ETS1: variants seen among roughly 807,000 people sequenced by gnomAD.
The protein encoded by ETS1 is ETS proto-oncogene 1, transcription factor.
Under a neutral mutation model 58.6 loss-of-function variants are expected in ETS1, and 15 were observed. The ratio of observed to expected loss-of-function variants is 0.26; its 90% CI spans 0.17 to 0.39. The LOEUF is 0.39. ETS1 is among the 10% of genes least tolerant of loss of function. The pLI, the probability that ETS1 is intolerant of heterozygous loss-of-function variation, is 1.00. For synonymous variants in ETS1, 214 were observed against 218.2 expected (o/e 0.98, Z 0.17); for missense variants, 417 against 610.5 (o/e 0.68, Z 3.34).
At chr11:128,584,966 GAAAGAAAGAAA>G (rs1388478784) in intron 1 of ETS1, among the ~76,000 whole-genome samples, 5 of 23,848 alleles carry the variant, frequency 2.1e-4, no homozygotes, top group African/African-American at 1.1e-3. Context: ...AAGAAAGAAA[GAAAGAAAGAAA>G]GAAAGAAAGA....
chr11:128,559,309 G>A (rs1197268897), intron 2 of ETS1, among the ~76,000 whole-genome samples: 1 of 152,234 alleles, frequency 6.6e-6, no homozygotes, highest in Non-Finnish European at 1.5e-5. Flanking sequence ...TAGATAATCG[G>A]TAAGTAGGTA....
At chr11:128,500,387 C>CTTAT (rs1863056698) in intron 3 of ETS1, among the ~76,000 whole-genome samples, 1 of 152,114 alleles carries the variant, frequency 6.6e-6, no homozygotes, top group African/African-American at 2.4e-5. Context: ...TCTCAACTTT[C>CTTAT]TTATTTATTT....
At chr11:128,477,399 G>T (rs1474897766) in intron 8 of ETS1, among the ~76,000 whole-genome samples, 3 of 152,174 alleles carry the variant, frequency 2.0e-5, no homozygotes, top group Non-Finnish European at 2.9e-5. Flanking sequence ...GCAAATTTCA[G>T]CTCATCTTAA....
At chr11:128,489,912 ATT>A (rs1168576476) in intron 4 of ETS1, among the ~76,000 whole-genome samples, 1 of 152,176 alleles carries the variant, frequency 6.6e-6, no homozygotes, top group Non-Finnish European at 1.5e-5. Context: ...TGAGACTATT[ATT>A]CTCGATTATT....
chr11:128,485,084 G>C lies in ETS1; in HGVS notation c.614-13C>G. 1 of 1,604,782 alleles carries C rather than the reference G, an allele frequency of 6.2e-7. No individual in the cohort carries two copies. The highest frequency in any genetic ancestry group is 8.5e-7 in the Non-Finnish European group (1 of 1,173,246). ...TCAATACCATAGCCTGGAAACAAAGGGTTTGCAAGTAAAGAGAGGAGAGAT... is the reference window on the plus strand; with the variant it reads ...TCAATACCATAGCCTGGAAACAAAGCGTTTGCAAGTAAAGAGAGGAGAGAT... On this transcript the variant is annotated splice_polypyrimidine_tract_variant and intron_variant, in intron 6 of 9. Transcript: ENST00000392668.
In ETS1 at chr11:128,561,738, C is replaced by T. The variant is rs144884764; in HGVS notation, c.70-5303G>A. ...CAGTGAAAATGGTGAATCTACGGGA[C>T]GGACATAAATAAGGAGAGTGGAAGA... is the stretch of plus-strand genomic sequence containing the variant. On this transcript the variant is annotated intron_variant, in intron 2 of 9. Coordinates refer to ENST00000392668, the MANE Select transcript of ETS1 (RefSeq NM_001143820.2). 4.4e-3 allele frequency among the ~76,000 whole-genome samples: 674 copies of T among 152,224 alleles called. 5 individuals carry two copies. The highest frequency in any genetic ancestry group is 0.012 in the African/African-American group (485 of 41,538).
rs533361284 is a variant in ETS1, at chr11:128,493,328, C to T, written c.215-2752G>A. 3.3e-5 allele frequency among the ~76,000 whole-genome samples: 5 copies of T among 152,364 alleles called. No individual in the cohort carries two copies. The South Asian group carries it at 1.0e-3, about 32-fold the overall frequency. The stretch of plus-strand genomic sequence containing the variant: ...GTGTGGTCTGGACAGGACTGCTGAG[C>T]TGACAATTCTCCACGTAGGTTTCTG... On this transcript the variant is annotated intron_variant, in intron 3 of 9. Coordinates refer to ENST00000392668, the MANE Select transcript of ETS1 (RefSeq NM_001143820.2).
chr11:128,529,977 G>C (rs1226824897), intron 3 of ETS1, among the ~76,000 whole-genome samples: 1 of 152,178 alleles, frequency 6.6e-6, no homozygotes, highest in Non-Finnish European at 1.5e-5. Context: ...CACAGAATCT[G>C]AGTTTCATAA....
At chr11:128,547,942 T>C (rs967938623) in intron 3 of ETS1, among the ~76,000 whole-genome samples, 1 of 152,062 alleles carries the variant, frequency 6.6e-6, no homozygotes, top group African/African-American at 2.4e-5. Context: ...GTGATTTTTC[T>C]CAGAGTGCAA....
At chr11:128,544,491 CT>C (rs950504118) in intron 3 of ETS1, among the ~76,000 whole-genome samples, 6 of 151,816 alleles carry the variant, frequency 4.0e-5, no homozygotes, top group Non-Finnish European at 7.4e-5. Flanking sequence ...CCCCTCACCC[CT>C]GCCTTCTCCC....
chr11:128,528,630 T>G (rs1863844241), intron 3 of ETS1, among the ~76,000 whole-genome samples: 2 of 152,172 alleles, frequency 1.3e-5, no homozygotes, highest in Admixed American at 6.5e-5. Flanking sequence ...TAAATTATGT[T>G]CATTATTTAA....
chr11:128,473,341 G>A (rs1194369951), intron 8 of ETS1, among the ~76,000 whole-genome samples: 2 of 152,192 alleles, frequency 1.3e-5, no homozygotes, highest in African/African-American at 4.8e-5. Flanking sequence ...TGGAATGTAG[G>A]TGACAGCTAG....
chr11:128,525,203 AG>A (rs150061117), intron 3 of ETS1, among the ~76,000 whole-genome samples: 7,440 of 152,222 alleles, frequency 0.049, 217 homozygotes, highest in Non-Finnish European at 0.065. Flanking sequence ...GAAGTCAATA[AG>A]GGCCAAGAAA....
chr11:128,480,817 G>A (rs1862465735), intron 7 of ETS1, among the ~76,000 whole-genome samples: 1 of 152,166 alleles, frequency 6.6e-6, no homozygotes. Flanking sequence ...ATTTCTGGCT[G>A]ATGTCGTAGG....
intron 3 of ETS1, among the ~76,000 whole-genome samples, chr11:128,555,584 A>G (rs1023730570): frequency 1.3e-5 from 2 of 152,190 alleles, no homozygotes; most frequent in African/African-American, 4.8e-5. Flanking sequence ...CAAAATTCCC[A>G]AATTCAAATT....
chr11:128,513,751 G>T (rs1320708348), intron 3 of ETS1, among the ~76,000 whole-genome samples: 1 of 152,136 alleles, frequency 6.6e-6, no homozygotes. Flanking sequence ...TTCTTAAAGG[G>T]TATTTCAAAA....
intron 1 of ETS1, among the ~76,000 whole-genome samples, chr11:128,579,969 T>C (rs1231358444): frequency 6.6e-6 from 1 of 151,916 alleles, no homozygotes; most frequent in Non-Finnish European, 1.5e-5. Context: ...TTCATGACAC[T>C]TCCTGTATCT....
intron 3 of ETS1, among the ~76,000 whole-genome samples, chr11:128,553,478 C>T (rs903435763): frequency 6.6e-6 from 1 of 151,968 alleles, no homozygotes; most frequent in Non-Finnish European, 1.5e-5. Context: ...TCCCATTATT[C>T]CCTACCATGC....
intron 1 of ETS1, among the ~76,000 whole-genome samples, chr11:128,579,764 C>T (rs1430550912): frequency 6.6e-6 from 1 of 151,898 alleles, no homozygotes; most frequent in East Asian, 1.9e-4. Flanking sequence ...AACACCTGGG[C>T]TACCAAGGCA....
Sources: allele counts gnomAD v4.1 joint callset (sites outside exome capture counted in the v4.1 genomes callset), GRCh38; gene constraint gnomAD v4.1.1; transcripts MANE v1.5; gene names NCBI Gene and HGNC (gene_info 2026-07-23, HGNC 2026-07-21).